Variants in PYROXD2 observed in about 807,000 individuals in gnomAD.
PYROXD2 encodes pyridine nucleotide-disulfide oxidoreductase domain-containing protein 2.
PYROXD2 carries 69 observed loss-of-function variants against 71.1 expected under a neutral mutation model. The observed-to-expected ratio is 0.97, with a 90% confidence interval of 0.80 to 1.19. The LOEUF (loss-of-function observed/expected upper bound fraction) is 1.19. Among genes scored for constraint, PYROXD2 ranks in the 50% most tolerant of loss-of-function variants. PYROXD2 has a pLI of 0.00. For synonymous variants in PYROXD2, 287 were observed against 302.7 expected (o/e 0.95, Z 0.54); for missense variants, 745 against 748.9 (o/e 0.99, Z 0.06).
chr10:98,390,055 TAC>T (rs5787281), intron 12 of PYROXD2, among the ~76,000 whole-genome samples: 8,081 of 152,192 alleles, frequency 0.053, 235 homozygotes, highest in East Asian at 0.12. Flanking sequence ...CCATACCCAG[TAC>T]AGAGTCCAGC....
At chr10:98,411,108 G>C in intron 1 of PYROXD2, 150 bp from the exon 2 acceptor site, 1 of 1,067,042 alleles carries the variant, frequency 9.4e-7, no homozygotes, top group Non-Finnish European at 1.4e-6. Context: ...TCAGATGTTG[G>C]AACAGCATCT....
At chr10:98,405,046 C>T (rs985229511) in intron 4 of PYROXD2, among the ~76,000 whole-genome samples, 1 of 152,074 alleles carries the variant, frequency 6.6e-6, no homozygotes, top group Non-Finnish European at 1.5e-5. Flanking sequence ...CAAGGCTGGC[C>T]CAGGGGGAGA....
intron 2 of PYROXD2, 120 bp downstream of exon 2, chr10:98,410,819 G>T: frequency 2.1e-6 from 3 of 1,445,168 alleles, no homozygotes; most frequent in Non-Finnish European, 2.8e-6. Flanking sequence ...CATCGACTAG[G>T]CTGCCTTTTC....
chr10:98,407,555 G>A, intron 4 of PYROXD2, 27 bp downstream of exon 4: 1 of 1,612,162 alleles, frequency 6.2e-7, no homozygotes, highest in Non-Finnish European at 8.5e-7. Context: ...CTCCCTCCGT[G>A]CAATCGGGCC....
At chr10:98,394,432 G>A (rs1843073744) in intron 8 of PYROXD2, among the ~76,000 whole-genome samples, 1 of 152,098 alleles carries the variant, frequency 6.6e-6, no homozygotes, top group Non-Finnish European at 1.5e-5. Context: ...TTCCGAGGGT[G>A]TGCTCATCCC....
At chr10:98,384,518 G>A (rs889104857) in intron 15 of PYROXD2, among the ~76,000 whole-genome samples, 1 of 152,202 alleles carries the variant, frequency 6.6e-6, no homozygotes, top group African/African-American at 2.4e-5. Context: ...TCCAGAGGCC[G>A]AGGCAGGAGG....
At chr10:98,395,486 A>G (rs1843137119) in intron 6 of PYROXD2, 34 bp from the exon 7 acceptor site, 1 of 1,596,178 alleles carries the variant, frequency 6.3e-7, no homozygotes. Flanking sequence ...AGAAGTTGAA[A>G]CAGGTGACAG....
intron 14 of PYROXD2, among the ~76,000 whole-genome samples, chr10:98,385,638 T>C (rs560248828): frequency 6.6e-6 from 1 of 152,318 alleles, no homozygotes; most frequent in East Asian, 1.9e-4. Context: ...CTGTTGGGCA[T>C]CCTCACAGGA....
intron 9 of PYROXD2, 37 bp from the exon 10 acceptor site, chr10:98,392,603 G>A (rs1221341379): frequency 6.2e-7 from 1 of 1,604,638 alleles, no homozygotes; most frequent in Non-Finnish European, 8.5e-7. Flanking sequence ...GAAACCGCAG[G>A]AAGGGAAATC....
intron 11 of PYROXD2, 27 bp downstream of exon 11, chr10:98,390,982 CA>C: frequency 6.4e-7 from 1 of 1,570,444 alleles, no homozygotes; most frequent in Non-Finnish European, 8.8e-7. Flanking sequence ...TCAAAGGAGA[CA>C]GTGCTGCAAT....
chr10:98,409,955 G>C (rs1843730548), intron 2 of PYROXD2, among the ~76,000 whole-genome samples: 1 of 152,066 alleles, frequency 6.6e-6, no homozygotes, highest in Admixed American at 6.5e-5. Flanking sequence ...GCGGCTGCCT[G>C]CAATCCCAGC....
At chr10:98,395,592 C>T in intron 6 of PYROXD2, 140 bp from the exon 7 acceptor site, 1 of 710,606 alleles carries the variant, frequency 1.4e-6, no homozygotes, top group Non-Finnish European at 2.5e-6. Flanking sequence ...AGGGACAGAT[C>T]CAGCTTGAGT....
chr10:98,412,685 CCTCA>C (rs1297696400), intron 1 of PYROXD2, among the ~76,000 whole-genome samples: 2 of 152,166 alleles, frequency 1.3e-5, no homozygotes, highest in Non-Finnish European at 2.9e-5. Flanking sequence ...CCGTTCTGTT[CCTCA>C]CTGAGGCCCA....
chr10:98,390,535 A>G, intron 12 of PYROXD2, 63 bp downstream of exon 12: 3 of 1,494,142 alleles, frequency 2.0e-6, no homozygotes, highest in South Asian at 1.4e-5. Context: ...GGTGGCATGG[A>G]CAGCCCCGCC....
chr10:98,401,200 G>T (rs1255439160), intron 4 of PYROXD2, among the ~76,000 whole-genome samples: 3 of 139,990 alleles, frequency 2.1e-5, no homozygotes, highest in African/African-American at 8.3e-5. Flanking sequence ...TTGCAGTGAG[G>T]CAAGATTGCC....
At chr10:98,412,672 A>T (rs1320439689) in intron 1 of PYROXD2, among the ~76,000 whole-genome samples, 1 of 152,190 alleles carries the variant, frequency 6.6e-6, no homozygotes, top group African/African-American at 2.4e-5. Flanking sequence ...GTCTCAGAAG[A>T]TGCCGTTCTG....
rs1409965227 is a variant in PYROXD2 at position 98,393,005 on chromosome 10, A to G, written c.864T>C (p.Gly288=). The G allele has an allele frequency of 1.2e-6, 2 of 1,613,154 alleles. No individual in the cohort carries two copies. The highest frequency in any genetic ancestry group is 1.3e-5 in the African/African-American group (1 of 74,840). The change falls in exon 9 of 16, where the codon GGT becomes GGC. Residue 288 remains glycine (G), a synonymous_variant. Coordinates refer to ENST00000370575, the MANE Select transcript of PYROXD2 (RefSeq NM_032709.3). ...AGCTTGCGATCGCATCAGAGAGGGC[A>G]CCCATGCCCCCCTGGACGTAGCCCC... is the stretch of plus-strand genomic sequence containing the variant. ...GAWGYVQGGM[G]ALSDAIASSA... is the part of the protein sequence containing the mutation.
intron 6 of PYROXD2, 146 bp downstream of exon 6, chr10:98,397,199 G>T: frequency 9.0e-7 from 1 of 1,105,414 alleles, no homozygotes; most frequent in Non-Finnish European, 1.3e-6. Context: ...AAGTGCTCCA[G>T]GCTGCCCCTA....
chr10:98,387,624 GTTTTTTTTTTTTTT>G (rs550769911), intron 13 of PYROXD2, among the ~76,000 whole-genome samples: 1 of 113,010 alleles, frequency 8.8e-6, no homozygotes, highest in Non-Finnish European at 1.8e-5. Flanking sequence ...TTCTCAAGCT[GTTTTTTTTTTTTTT>G]TTTTTTTTTT....
Sources: allele counts gnomAD v4.1 joint callset (sites outside exome capture counted in the v4.1 genomes callset), GRCh38; gene constraint gnomAD v4.1.1; transcripts MANE v1.5; gene names NCBI Gene and HGNC (gene_info 2026-07-23, HGNC 2026-07-21).